CCDC85A: variants seen among roughly 807,000 people sequenced by gnomAD.
CCDC85A encodes the protein coiled-coil domain containing 85A.
In CCDC85A, 38 loss-of-function variants were observed where a neutral mutation model predicts 50.2. The observed-to-expected ratio is 0.76, with a 90% confidence interval of 0.58 to 0.99. The LOEUF is 0.99. CCDC85A is among the 50% of genes least tolerant of loss of function. CCDC85A has a pLI of 0.00. For synonymous variants in CCDC85A, 366 were observed against 301.4 expected, an observed-to-expected ratio of 1.21 and a Z score of -2.22; for missense variants, 820 against 742.0, an observed-to-expected ratio of 1.11 and a Z score of -1.22.
At chr2:56,224,760 A>G (rs1051843671) in intron 2 of CCDC85A, among the ~76,000 whole-genome samples, 8 of 152,150 alleles carry the variant, frequency 5.3e-5, no homozygotes, top group Non-Finnish European at 1.2e-4. Context: ...AGAAATGTCT[A>G]TTCAAGTCTT....
chr2:56,338,092 T>A (rs1168754445), intron 2 of CCDC85A, among the ~76,000 whole-genome samples: 1 of 152,182 alleles, frequency 6.6e-6, no homozygotes, highest in Non-Finnish European at 1.5e-5. Flanking sequence ...CCTTTTTTAA[T>A]GCATTATATA....
chr2:56,210,125 C>G (rs143141940), intron 2 of CCDC85A, among the ~76,000 whole-genome samples: 237 of 152,174 alleles, frequency 1.6e-3, no homozygotes, highest in South Asian at 7.7e-3. Flanking sequence ...GTCTGAACCA[C>G]TGACTGTATG....
At chr2:56,254,327 C>G (rs1228429659) in intron 2 of CCDC85A, among the ~76,000 whole-genome samples, 3 of 151,998 alleles carry the variant, frequency 2.0e-5, no homozygotes, top group Non-Finnish European at 4.4e-5. Context: ...GATGCTGTCT[C>G]TTTGTTCTTG....
chr2:56,225,321 G>T (rs1238079548), intron 2 of CCDC85A, among the ~76,000 whole-genome samples: 2 of 152,128 alleles, frequency 1.3e-5, no homozygotes, highest in East Asian at 3.9e-4. Context: ...AGCTACTTGG[G>T]AGGCTGAGGC....
chr2:56,255,993 G>C (rs1454817017), intron 2 of CCDC85A, among the ~76,000 whole-genome samples: 1 of 152,104 alleles, frequency 6.6e-6, no homozygotes, highest in African/African-American at 2.4e-5. Context: ...TGAATGGCTT[G>C]ATAGGAGAGA....
chr2:56,209,590 G>A (rs1246468858), intron 2 of CCDC85A, among the ~76,000 whole-genome samples: 1 of 151,938 alleles, frequency 6.6e-6, no homozygotes, highest in Non-Finnish European at 1.5e-5. Flanking sequence ...GGATAGGTCT[G>A]CATTGGTAGT....
intron 3 of CCDC85A, among the ~76,000 whole-genome samples, chr2:56,346,637 G>A (rs1573309261): frequency 6.6e-6 from 1 of 152,284 alleles, no homozygotes; most frequent in East Asian, 1.9e-4. Flanking sequence ...CCTAAGGTAA[G>A]AGCCAGTCTT....
chr2:56,284,563 G>C, intron 2 of CCDC85A, among the ~76,000 whole-genome samples: 1 of 152,024 alleles, frequency 6.6e-6, no homozygotes, highest in East Asian at 1.9e-4. Context: ...AGTAGAGATG[G>C]AGTTTCACCA....
chr2:56,213,288 T>G (rs1677255679), intron 2 of CCDC85A, among the ~76,000 whole-genome samples: 1 of 152,024 alleles, frequency 6.6e-6, no homozygotes, highest in South Asian at 2.1e-4. Context: ...AATTTTACAA[T>G]TTCAAGCTCA....
At chr2:56,272,431 T>C (rs568382335) in intron 2 of CCDC85A, among the ~76,000 whole-genome samples, 2 of 152,278 alleles carry the variant, frequency 1.3e-5, no homozygotes, top group Admixed American at 6.5e-5. Context: ...ATGCATTTAT[T>C]CAGAAGGGTC....
chr2:56,295,148 A>G (rs1671889589), intron 2 of CCDC85A, among the ~76,000 whole-genome samples: 1 of 151,856 alleles, frequency 6.6e-6, no homozygotes. Flanking sequence ...TTTTAATTTT[A>G]ATGAATCAGA....
chr2:56,258,561 C>A (rs1390601026), intron 2 of CCDC85A, among the ~76,000 whole-genome samples: 1 of 152,152 alleles, frequency 6.6e-6, no homozygotes, highest in African/African-American at 2.4e-5. Context: ...TTTGGCATCC[C>A]AGTTTAGACT....
At chr2:56,291,560 C>T (rs773708991) in intron 2 of CCDC85A, among the ~76,000 whole-genome samples, 2 of 152,010 alleles carry the variant, frequency 1.3e-5, no homozygotes, top group Non-Finnish European at 2.9e-5. Flanking sequence ...AGATACTGTT[C>T]CCTTGAAAAT....
intron 2 of CCDC85A, among the ~76,000 whole-genome samples, chr2:56,334,702 C>T (rs556299241): frequency 2.3e-4 from 35 of 152,188 alleles, no homozygotes; most frequent in Non-Finnish European, 5.0e-4. Context: ...ATATTCCAAT[C>T]TTTGGCATTT....
chr2:56,232,702 T>C (rs999809894), intron 2 of CCDC85A, among the ~76,000 whole-genome samples: 1 of 152,124 alleles, frequency 6.6e-6, no homozygotes, highest in Non-Finnish European at 1.5e-5. Flanking sequence ...TATTTTTTCA[T>C]ATCAGCATGA....
chr2:56,377,018 T>C (rs1485332345), intron 5 of CCDC85A, among the ~76,000 whole-genome samples: 1 of 152,260 alleles, frequency 6.6e-6, no homozygotes, highest in Non-Finnish European at 1.5e-5. Context: ...TGATGAAGTT[T>C]TAGCAGAAGA....
At chr2:56,293,811 G>A (rs1671828350) in intron 2 of CCDC85A, among the ~76,000 whole-genome samples, 1 of 152,198 alleles carries the variant, frequency 6.6e-6, no homozygotes, top group African/African-American at 2.4e-5. Context: ...AACAACAGAT[G>A]CTGGTGAGGC....
chr2:56,256,264 A>G (rs1357885956), intron 2 of CCDC85A, among the ~76,000 whole-genome samples: 2 of 152,228 alleles, frequency 1.3e-5, no homozygotes, highest in Non-Finnish European at 2.9e-5. Flanking sequence ...CTATGGGAAT[A>G]TAGAATGAAC....
intron 5 of CCDC85A, among the ~76,000 whole-genome samples, chr2:56,383,327 A>C (rs1676677437): frequency 6.6e-6 from 1 of 151,984 alleles, no homozygotes; most frequent in Admixed American, 6.6e-5. Context: ...AGTTTTGCAC[A>C]ATCAATCAAT....
Sources: allele counts gnomAD v4.1 joint callset (sites outside exome capture counted in the v4.1 genomes callset), GRCh38; gene constraint gnomAD v4.1.1; transcripts MANE v1.5; gene names NCBI Gene and HGNC (gene_info 2026-07-23, HGNC 2026-07-21).